Variants in STX8 observed in about 807,000 individuals in gnomAD.
STX8 encodes syntaxin-8.
Under a neutral mutation model 37.5 loss-of-function variants are expected in STX8, and 23 were observed. That is an observed-to-expected ratio of 0.61 (90% CI 0.44 to 0.87). The LOEUF is 0.87. STX8 is among the 40% of genes least tolerant of loss of function. The pLI is 0.00. For missense variants in STX8, 313 were observed against 284.7 expected (o/e 1.10, Z -0.71); for synonymous variants, 115 against 99.1 (o/e 1.16, Z -0.95).
At chr17:9,252,052 C>T (rs1401425605) in intron 7 of STX8, among the ~76,000 whole-genome samples, 1 of 152,090 alleles carries the variant, frequency 6.6e-6, no homozygotes, top group Non-Finnish European at 1.5e-5. Flanking sequence ...TGCCTGTAAT[C>T]CCAGCACTTT....
intron 6 of STX8, among the ~76,000 whole-genome samples, chr17:9,490,599 T>A (rs906765718): frequency 2.6e-4 from 40 of 152,072 alleles, no homozygotes; most frequent in Non-Finnish European, 7.4e-5. Flanking sequence ...TCTCCTGACC[T>A]TGTAATCCGC....
chr17:9,348,953 C>T (rs1007073020), intron 7 of STX8, among the ~76,000 whole-genome samples: 1 of 152,132 alleles, frequency 6.6e-6, no homozygotes, highest in Non-Finnish European at 1.5e-5. Context: ...AGGACTGACT[C>T]TACAAATACT....
chr17:9,558,855 G>A (rs1011080522), intron 2 of STX8, among the ~76,000 whole-genome samples: 34 of 151,196 alleles, frequency 2.2e-4, no homozygotes, highest in Non-Finnish European at 4.1e-4. Flanking sequence ...GGCAAAACAA[G>A]CAAACAAAAA....
At chr17:9,467,052 G>C (rs972438609) in intron 6 of STX8, 1 of 151,972 alleles carries the variant, frequency 6.6e-6, no homozygotes, top group Admixed American at 6.6e-5. Context: ...CACCACGCCC[G>C]GCTAATTTTT....
chr17:9,387,453 C>G (rs1200567354), intron 6 of STX8, among the ~76,000 whole-genome samples: 1 of 152,176 alleles, frequency 6.6e-6, no homozygotes, highest in South Asian at 2.1e-4. Flanking sequence ...CGCCACCACA[C>G]CCGGCTAATT....
intron 6 of STX8, among the ~76,000 whole-genome samples, chr17:9,400,898 C>G (rs1797332091): frequency 6.6e-6 from 1 of 152,196 alleles, no homozygotes; most frequent in South Asian, 2.1e-4. Context: ...TCCCCCCTCA[C>G]AATTATAGAA....
intron 7 of STX8, among the ~76,000 whole-genome samples, chr17:9,266,047 A>C (rs1404198568): frequency 2.0e-5 from 3 of 152,120 alleles, no homozygotes; most frequent in African/African-American, 7.2e-5. Flanking sequence ...GGATTTGGAA[A>C]CATTGCGGGT....
At chr17:9,545,905 TCTC>T (rs1288010403) in intron 3 of STX8, among the ~76,000 whole-genome samples, 1 of 152,144 alleles carries the variant, frequency 6.6e-6, no homozygotes, top group Non-Finnish European at 1.5e-5. Flanking sequence ...TTAAATGACT[TCTC>T]CTGCCAATGG....
At chr17:9,545,115 G>T (rs1278452171) in intron 4 of STX8, 57 bp downstream of exon 4, 2 of 1,104,824 alleles carry the variant, frequency 1.8e-6, no homozygotes, top group Non-Finnish European at 2.7e-6. Context: ...AACAGCTGTA[G>T]TATCTGCAAA....
intron 7 of STX8, among the ~76,000 whole-genome samples, chr17:9,251,478 G>T (rs1047645636): frequency 1.3e-5 from 2 of 152,222 alleles, no homozygotes; most frequent in African/African-American, 4.8e-5. Flanking sequence ...CTACTACAAA[G>T]TAAGCACTCA....
chr17:9,414,783 C>CTTTT (rs10552538), intron 6 of STX8, among the ~76,000 whole-genome samples: 171 of 57,170 alleles, frequency 3.0e-3, no homozygotes, highest in African/African-American at 3.3e-3. Context: ...CTGAGTTCTG[C>CTTTT]TTTTTTTTTT....
chr17:9,500,479 T>C (rs961886209), intron 5 of STX8, among the ~76,000 whole-genome samples: 3 of 151,972 alleles, frequency 2.0e-5, no homozygotes, highest in Non-Finnish European at 4.4e-5. Context: ...TTGAGAAAAG[T>C]CCCAAGAGGC....
At chr17:9,301,279 CA>C (rs1908771709) in intron 7 of STX8, among the ~76,000 whole-genome samples, 1 of 151,782 alleles carries the variant, frequency 6.6e-6, no homozygotes, top group Non-Finnish European at 1.5e-5. Flanking sequence ...TTTTAAAAAA[CA>C]ACAACAACTA....
chr17:9,326,897 C>T (rs550103991), intron 7 of STX8, among the ~76,000 whole-genome samples: 204 of 152,316 alleles, frequency 1.3e-3, no homozygotes, highest in Non-Finnish European at 1.9e-3. Context: ...TGGTGGCTCA[C>T]GCCTGTAATC....
At chr17:9,296,045 C>A (rs1275858386) in intron 7 of STX8, among the ~76,000 whole-genome samples, 1 of 152,242 alleles carries the variant, frequency 6.6e-6, no homozygotes, top group East Asian at 1.9e-4. Context: ...AAAAAATTAG[C>A]CGGGGGCGGT....
chr17:9,321,438 G>T (rs1019989670), intron 7 of STX8, among the ~76,000 whole-genome samples: 6 of 152,040 alleles, frequency 3.9e-5, no homozygotes, highest in Admixed American at 3.3e-4. Context: ...GCTGAGGCAG[G>T]AGAATTGCTT....
chr17:9,340,300 C>T (rs1000421613), intron 7 of STX8, among the ~76,000 whole-genome samples: 4 of 152,192 alleles, frequency 2.6e-5, no homozygotes, highest in African/African-American at 9.7e-5. Context: ...ACTCTCTGAG[C>T]AATTAATAGC....
intron 7 of STX8, among the ~76,000 whole-genome samples, chr17:9,258,401 T>C (rs760996252): frequency 2.0e-5 from 3 of 152,226 alleles, no homozygotes; most frequent in Admixed American, 6.5e-5. Context: ...GATTTCCAGA[T>C]TGAGAGGCTG....
chr17:9,367,052 T>C (rs1911250519), intron 7 of STX8, among the ~76,000 whole-genome samples: 1 of 152,152 alleles, frequency 6.6e-6, no homozygotes, highest in African/African-American at 2.4e-5. Context: ...TTCTGATACT[T>C]TACTGGAAAA....
Sources: allele counts gnomAD v4.1 joint callset (sites outside exome capture counted in the v4.1 genomes callset), GRCh38; gene constraint gnomAD v4.1.1; transcripts MANE v1.5; gene names NCBI Gene and HGNC (gene_info 2026-07-23, HGNC 2026-07-21).